The following FMN1 variants were observed in gnomAD, a reference collection of about 807,000 sequenced individuals.
FMN1 encodes the protein formin-1.
In FMN1, 110 loss-of-function variants were observed where a neutral mutation model predicts 132.4. That is an observed-to-expected ratio of 0.83 (90% CI 0.71 to 0.97). The LOEUF (loss-of-function observed/expected upper bound fraction) is 0.97. Ranked by LOEUF, FMN1 falls within the 50% of genes least tolerant of loss-of-function variation. The pLI, the probability that FMN1 is intolerant of heterozygous loss-of-function variation, is 0.00. For synonymous variants in FMN1, 722 were observed against 651.7 expected, an observed-to-expected ratio of 1.11 and a Z score of -1.64; for missense variants, 1,792 against 1,705.3, an observed-to-expected ratio of 1.05 and a Z score of -0.90.
At chr15:32,833,379 G>A (rs1377598692) in intron 17 of FMN1, among the ~76,000 whole-genome samples, 1 of 152,134 alleles carries the variant, frequency 6.6e-6, no homozygotes, top group Admixed American at 6.5e-5. Flanking sequence ...GAGAAGTGGG[G>A]TGTATCCTCT....
chr15:32,912,568 C>T (rs2060588013), intron 10 of FMN1, among the ~76,000 whole-genome samples: 1 of 152,006 alleles, frequency 6.6e-6, no homozygotes, highest in African/African-American at 2.4e-5. Context: ...GAAAGTAAAA[C>T]AGAGAAATGT....
At chr15:32,926,035 G>C in intron 10 of FMN1, 139 bp downstream of exon 10, 1 of 557,280 alleles carries the variant, frequency 1.8e-6, no homozygotes, top group Non-Finnish European at 3.1e-6. Context: ...ACAAGAGTGA[G>C]TTGATGGTTC....
Position 32,981,411 on chromosome 15 carries a change from G to A in FMN1, c.2224-11934C>T, listed in dbSNP as rs1009453262. 3.4e-4 allele frequency among the ~76,000 whole-genome samples: 51 copies of A among 151,646 alleles called. 1 individual carries two copies. Among genetic ancestry groups the A allele is most frequent in the East Asian group, 5.9e-4 (3 of 5,126 alleles). On this transcript the variant is annotated intron_variant, in intron 7 of 20. Transcript: ENST00000616417. ...CAGGCACTTGTAGTCCCAGCTACTC[G>A]GGAGGCTGAGGCAGGAGAATGGTGT... is the stretch of plus-strand genomic sequence containing the variant.
chr15:32,821,522 G>A (rs987902917), intron 17 of FMN1, among the ~76,000 whole-genome samples: 6 of 137,008 alleles, frequency 4.4e-5, no homozygotes, highest in East Asian at 2.2e-4. Context: ...GCACAATCTC[G>A]GCTCACTGCA....
intron 17 of FMN1, among the ~76,000 whole-genome samples, chr15:32,824,751 G>A (rs2058322407): frequency 6.6e-6 from 1 of 152,152 alleles, no homozygotes; most frequent in African/African-American, 2.4e-5. Context: ...GAGCCACCGT[G>A]CCCCAGCCCT....
intron 4 of FMN1, among the ~76,000 whole-genome samples, chr15:33,096,394 T>C (rs149796709): frequency 5.3e-5 from 8 of 152,256 alleles, no homozygotes; most frequent in East Asian, 1.9e-4. Context: ...TGCCCAATGA[T>C]CTGGAATTAA....
intron 6 of FMN1, among the ~76,000 whole-genome samples, chr15:33,024,175 GGACAGCGCAAATTAAAACTAC>G (rs2035555605): frequency 6.8e-6 from 1 of 147,080 alleles, no homozygotes; most frequent in African/African-American, 2.5e-5. Flanking sequence ...CTTGTCCTCA[GGACAGCGCAAATTAAAACTAC>G]AGGGAATACT....
At chr15:33,067,926 C>G (rs770891727) in intron 5 of FMN1, 2 of 1,563,364 alleles carry the variant, frequency 1.3e-6, no homozygotes, top group East Asian at 4.5e-5. Context: ...CTTGTGTTAC[C>G]TTCTCCTGCG....
intron 7 of FMN1, among the ~76,000 whole-genome samples, chr15:32,981,483 A>C (rs944199183): frequency 6.7e-6 from 1 of 150,250 alleles, no homozygotes; most frequent in Non-Finnish European, 1.5e-5. Context: ...GCGCCACTGC[A>C]CTCCAGCCTG....
At chr15:32,867,315 C>T (rs1057438594) in intron 16 of FMN1, among the ~76,000 whole-genome samples, 13 of 152,344 alleles carry the variant, frequency 8.5e-5, no homozygotes, top group East Asian at 5.8e-4. Context: ...GCCCTCCATG[C>T]GCTACGTCTT....
intron 2 of FMN1, among the ~76,000 whole-genome samples, chr15:33,188,749 C>T (rs1449822470): frequency 6.6e-6 from 1 of 151,432 alleles, no homozygotes; most frequent in African/African-American, 2.4e-5. Context: ...CCTTCATTTT[C>T]GTAGGCTGCA....
At chr15:32,960,620 T>A (rs2030402437) in intron 9 of FMN1, among the ~76,000 whole-genome samples, 1 of 152,204 alleles carries the variant, frequency 6.6e-6, no homozygotes, top group South Asian at 2.1e-4. Context: ...TTTTCCTTTT[T>A]TCCCCTGTAA....
intron 10 of FMN1, 121 bp downstream of exon 10, chr15:32,926,053 G>A: frequency 1.7e-6 from 1 of 605,666 alleles, no homozygotes; most frequent in Non-Finnish European, 2.9e-6. Context: ...TTCTGTAGCT[G>A]AGTATTGGGT....
chr15:32,803,802 C>T (rs1262976719), intron 18 of FMN1, among the ~76,000 whole-genome samples: 1 of 152,164 alleles, frequency 6.6e-6, no homozygotes, highest in Non-Finnish European at 1.5e-5. Context: ...GCAGGACAGG[C>T]AAACAGGCAG....
At chr15:33,030,874 C>A in intron 6 of FMN1, among the ~76,000 whole-genome samples, 1 of 151,936 alleles carries the variant, frequency 6.6e-6, no homozygotes, top group East Asian at 1.9e-4. Context: ...ACAGAATGTG[C>A]AGGTTTATTA....
chr15:32,954,065 T>C (rs888387052), intron 9 of FMN1, among the ~76,000 whole-genome samples: 1 of 152,166 alleles, frequency 6.6e-6, no homozygotes, highest in African/African-American at 2.4e-5. Context: ...GTTACATGAC[T>C]GGACATACAA....
chr15:32,868,328 C>G (rs2059439432), intron 16 of FMN1, among the ~76,000 whole-genome samples: 1 of 152,128 alleles, frequency 6.6e-6, no homozygotes, highest in Non-Finnish European at 1.5e-5. Context: ...GCCAGTAGTA[C>G]TGTAATATAC....
At chr15:33,082,020 GGT>G (rs57369569) in intron 5 of FMN1, among the ~76,000 whole-genome samples, 27,045 of 117,546 alleles carry the variant, frequency 0.23, 2,997 homozygotes, top group East Asian at 0.6. Context: ...AGAGTTCAGG[GGT>G]GTGTGTGTGT....
chr15:32,947,258 C>T (rs1435298938), intron 9 of FMN1, among the ~76,000 whole-genome samples: 2 of 151,968 alleles, frequency 1.3e-5, no homozygotes, highest in Non-Finnish European at 2.9e-5. Context: ...TTTTAAAATA[C>T]TTTTATTCAT....
Sources: gnomAD v4.1 joint callset for allele counts (sites outside exome capture counted in the v4.1 genomes callset) on GRCh38, gnomAD v4.1.1 for gene constraint, MANE v1.5 for transcripts, NCBI Gene and HGNC (gene_info 2026-07-23, HGNC 2026-07-21) for gene names.